The following PCDH15 variants were observed in gnomAD, a reference collection of about 807,000 sequenced individuals.
PCDH15 encodes the protein protocadherin related 15, also known as protocadherin-15.
In PCDH15, 129 loss-of-function variants were observed where a neutral mutation model predicts 178.5. The ratio of observed to expected loss-of-function variants is 0.72; its 90% CI spans 0.63 to 0.84. PCDH15 has a LOEUF of 0.84. Ranked by LOEUF, PCDH15 falls within the 40% of genes least tolerant of loss-of-function variation. The pLI is 0.00. For missense variants in PCDH15, 2,230 were observed against 2,099.9 expected (o/e 1.06, Z -1.21); for synonymous variants, 800 against 732.0 (o/e 1.09, Z -1.50).
chr10:54,311,096 TA>T (rs2060877130), intron 8 of PCDH15, among the ~76,000 whole-genome samples: 1 of 152,080 alleles, frequency 6.6e-6, no homozygotes, highest in Admixed American at 6.6e-5. Context: ...CTAGATTTTT[TA>T]AGACAAAGAT....
chr10:54,387,312 C>G (rs1950041913), intron 3 of PCDH15, among the ~76,000 whole-genome samples: 1 of 152,022 alleles, frequency 6.6e-6, no homozygotes, highest in Non-Finnish European at 1.5e-5. Flanking sequence ...ATAGCTAAAA[C>G]TTGGAAGCAA....
intron 3 of PCDH15, among the ~76,000 whole-genome samples, chr10:54,496,111 A>G (rs1482587205): frequency 6.6e-6 from 1 of 152,146 alleles, no homozygotes; most frequent in African/African-American, 2.4e-5. Flanking sequence ...GATGTTTTTT[A>G]CCCAAAACGG....
At chr10:55,266,869 T>G (rs548682617) in intron 1 of PCDH15, among the ~76,000 whole-genome samples, 4 of 152,172 alleles carry the variant, frequency 2.6e-5, no homozygotes, top group Non-Finnish European at 5.9e-5. Context: ...TTGAGATGAC[T>G]AACACAAGCC....
At position 55,426,319 on chromosome 10, in the gene PCDH15, G is replaced by C. The variant is rs760504881; in HGVS notation, c.-156+201306C>G. Reference sequence around the variant, plus strand: ...GCCTGAGCCAGTGAGGCGTGAACAGGAGTACACCAGCGTTTGAGCCATCTG... The same window carrying C: ...GCCTGAGCCAGTGAGGCGTGAACAGCAGTACACCAGCGTTTGAGCCATCTG... On this transcript the variant is annotated intron_variant, in intron 2 of 5. Transcript: ENST00000613346. Among the ~76,000 whole-genome samples the C allele has an allele frequency of 5.5e-4, 84 of 152,140 alleles. 1 individual carries two copies. The highest frequency in any genetic ancestry group is 8.2e-4 in the Non-Finnish European group (56 of 68,006).
chr10:54,079,945 T>C (rs188983426), intron 16 of PCDH15, among the ~76,000 whole-genome samples: 213 of 152,258 alleles, frequency 1.4e-3, no homozygotes, highest in African/African-American at 5.0e-3. Flanking sequence ...AGACCCATTG[T>C]ACAAAATTAG....
Position 55,006,403 on chromosome 10 carries a change from A to C in PCDH15, c.-79-108903T>G, listed in dbSNP as rs146614640. Among the ~76,000 whole-genome samples the C allele has an allele frequency of 1.7e-3, 259 of 152,308 alleles. 1 individual carries two copies. Among genetic ancestry groups the C allele is most frequent in the African/African-American group, 5.9e-3 (245 of 41,566 alleles). On this transcript the variant is annotated intron_variant, in intron 2 of 5. Transcript: ENST00000458638. Reference sequence around the variant, plus strand: ...TAATATTTAATTTAAAGCACATAAAACTTTAATTGTTTAAGGCTTATTATA... The same window carrying C: ...TAATATTTAATTTAAAGCACATAAACCTTTAATTGTTTAAGGCTTATTATA...
chr10:54,014,591 G>A (rs2135206989), intron 20 of PCDH15, among the ~76,000 whole-genome samples: 1 of 152,272 alleles, frequency 6.6e-6, no homozygotes, highest in Non-Finnish European at 1.5e-5. Flanking sequence ...TGCCTGGGAT[G>A]CAAGGTTGGT....
At chr10:54,524,513 C>A (rs367973897) in intron 3 of PCDH15, among the ~76,000 whole-genome samples, 1 of 152,308 alleles carries the variant, frequency 6.6e-6, no homozygotes, top group African/African-American at 2.4e-5. Context: ...TCTGATGTGG[C>A]TGGCACTCAG....
intron 23 of PCDH15, among the ~76,000 whole-genome samples, chr10:53,950,363 C>T (rs1714173476): frequency 6.6e-6 from 1 of 151,810 alleles, no homozygotes; most frequent in African/African-American, 2.4e-5. Flanking sequence ...ATATACAAAT[C>T]TTAAAAATTA....
At chr10:54,336,602 A>G (rs548236294) in intron 6 of PCDH15, among the ~76,000 whole-genome samples, 2 of 152,314 alleles carry the variant, frequency 1.3e-5, no homozygotes, top group East Asian at 3.9e-4. Flanking sequence ...GGGTCCGCAG[A>G]AGTCAAGAAC....
chr10:55,069,244 TTTTG>T (rs1488103475), intron 2 of PCDH15, among the ~76,000 whole-genome samples: 5 of 67,506 alleles, frequency 7.4e-5, no homozygotes, highest in East Asian at 6.1e-4. Context: ...TTTGCTGGTA[TTTTG>T]TTTTTTTTTT....
At chr10:54,401,371 A>AG (rs774628413) in intron 3 of PCDH15, among the ~76,000 whole-genome samples, 1 of 151,886 alleles carries the variant, frequency 6.6e-6, no homozygotes, top group Non-Finnish European at 1.5e-5. Context: ...CAAAAAAAAA[A>AG]TTGACATTTT....
intron 18 of PCDH15, among the ~76,000 whole-genome samples, chr10:54,035,113 T>C (rs999961075): frequency 5.3e-5 from 8 of 151,862 alleles, no homozygotes; most frequent in Non-Finnish European, 7.4e-5. Flanking sequence ...ATGTTTTCAA[T>C]GACATGTTAT....
chr10:55,403,934 T>C (rs1039636672), intron 2 of PCDH15, among the ~76,000 whole-genome samples: 2 of 152,016 alleles, frequency 1.3e-5, no homozygotes, highest in African/African-American at 4.8e-5. Flanking sequence ...ACTTTTATGT[T>C]GACAACAATC....
intron 3 of PCDH15, among the ~76,000 whole-genome samples, chr10:54,479,094 G>A (rs754390549): frequency 1.6e-4 from 24 of 151,630 alleles, no homozygotes; most frequent in Admixed American, 2.6e-4. Context: ...ATGGTAATAC[G>A]TTTTGAAAAG....
intron 3 of PCDH15, among the ~76,000 whole-genome samples, chr10:54,472,599 A>G (rs1213970476): frequency 6.6e-6 from 1 of 152,212 alleles, no homozygotes; most frequent in Non-Finnish European, 1.5e-5. Context: ...ACCCTCAAGA[A>G]CGTCATGATC....
chr10:54,734,972 A>G (rs1042708132), intron 1 of PCDH15, among the ~76,000 whole-genome samples: 14 of 152,162 alleles, frequency 9.2e-5, no homozygotes, highest in Middle Eastern at 3.4e-3. Context: ...TTTGTCAAAT[A>G]TAATATTTCA....
intron 2 of PCDH15, among the ~76,000 whole-genome samples, chr10:55,144,803 G>A (rs1405434026): frequency 6.6e-6 from 1 of 150,706 alleles, no homozygotes; most frequent in Non-Finnish European, 1.5e-5. Context: ...TTTGCACGAT[G>A]CATATTAAAT....
chr10:54,887,172 A>T (rs1322783943), intron 3 of PCDH15, among the ~76,000 whole-genome samples: 4 of 152,158 alleles, frequency 2.6e-5, no homozygotes, highest in African/African-American at 9.6e-5. Flanking sequence ...TCTGGATTGA[A>T]TCCAATTCTG....
Sources: allele counts gnomAD v4.1 joint callset (sites outside exome capture counted in the v4.1 genomes callset), GRCh38; gene constraint gnomAD v4.1.1; transcripts MANE v1.5; gene names NCBI Gene and HGNC (gene_info 2026-07-23, HGNC 2026-07-21).